LRRC9: variants seen among roughly 807,000 people sequenced by gnomAD.
The protein encoded by LRRC9 is leucine-rich repeat-containing protein 9.
Under a neutral mutation model 63.2 loss-of-function variants are expected in LRRC9, and 122 were observed. The observed-to-expected ratio is 1.93, with a 90% CI of 1.67 to 2.24. The LOEUF (loss-of-function observed/expected upper bound fraction) is 2.24. Ranked by LOEUF, LRRC9 falls within the 30% of genes most tolerant of loss-of-function variation. The pLI, the probability that LRRC9 is intolerant of heterozygous loss-of-function variation, is 0.00. For synonymous variants in LRRC9, 366 were observed against 213.1 expected (o/e 1.72, Z -6.25); for missense variants, 1,071 against 627.7 (o/e 1.71, Z -7.55).
chr14:59,997,516 C>A, intron 17 of LRRC9, 140 bp from the exon 18 acceptor site: 1 of 495,130 alleles, frequency 2.0e-6, no homozygotes, highest in Admixed American at 3.7e-5. Flanking sequence ...TTGATACCAT[C>A]ATTGCAACAT....
chr14:59,980,427 C>G (rs1424747338), intron 15 of LRRC9, among the ~76,000 whole-genome samples: 1 of 152,114 alleles, frequency 6.6e-6, no homozygotes, highest in African/African-American at 2.4e-5. Context: ...GGGCAAATCC[C>G]CTTCCTCTGT....
intron 7 of LRRC9, among the ~76,000 whole-genome samples, chr14:59,944,179 G>C (rs1333636904): frequency 6.6e-6 from 1 of 151,704 alleles, no homozygotes; most frequent in Non-Finnish European, 1.5e-5. Flanking sequence ...AACGAATTGA[G>C]TAATGTTGTA....
intron 23 of LRRC9, among the ~76,000 whole-genome samples, chr14:60,013,595 T>C (rs1049449918): frequency 6.6e-6 from 1 of 152,168 alleles, no homozygotes; most frequent in East Asian, 1.9e-4. Context: ...AGCTCTGTTG[T>C]TGGTGCATAC....
intron 12 of LRRC9, 140 bp downstream of exon 12, chr14:59,967,353 C>T: frequency 2.2e-6 from 1 of 455,858 alleles, no homozygotes; most frequent in Non-Finnish European, 3.9e-6. Context: ...TTAGTGTTAT[C>T]ATGGAAAGTA....
intron 19 of LRRC9, among the ~76,000 whole-genome samples, chr14:60,000,726 G>T (rs562839363): frequency 6.6e-6 from 1 of 152,052 alleles, no homozygotes; most frequent in East Asian, 1.9e-4. Context: ...AATTTAGTAG[G>T]CAAGAAACAA....
At chr14:60,047,144 TAAG>T (rs750982394) in intron 29 of LRRC9, among the ~76,000 whole-genome samples, 1 of 152,174 alleles carries the variant, frequency 6.6e-6, no homozygotes, top group Non-Finnish European at 1.5e-5. Flanking sequence ...CTTATCAACT[TAAG>T]AAGCTTTTGG....
chr14:59,936,995 C>A lies in LRRC9; in HGVS notation c.544-1395C>A, dbSNP rs1594819235. Among the ~76,000 whole-genome samples the A allele has an allele frequency of 1.3e-5, 2 of 152,234 alleles. No individual in the cohort carries two copies. Among genetic ancestry groups the A allele is most frequent in the East Asian group, 3.9e-4 (2 of 5,176 alleles). ...TCAAGTTTGACCCCACCACAGTACC[C>A]TCCTACCTCAGGCACCATCCTGGTA... On this transcript the variant is annotated intron_variant, in intron 6 of 31. Transcript: ENST00000445360. This position sits in a 1 kb window ranked among gnomAD's most constrained non-coding sequence, Gnocchi z 4.2.
At chr14:60,046,772 G>GT (rs1893465044) in intron 29 of LRRC9, among the ~76,000 whole-genome samples, 1 of 151,622 alleles carries the variant, frequency 6.6e-6, no homozygotes, top group East Asian at 1.9e-4. Flanking sequence ...TTTAAAAATA[G>GT]TTTCCATTCT....
intron 29 of LRRC9, among the ~76,000 whole-genome samples, chr14:60,047,913 C>G (rs1458097248): frequency 6.6e-6 from 1 of 152,064 alleles, no homozygotes; most frequent in Admixed American, 6.6e-5. Flanking sequence ...CCTCAGCAAA[C>G]GCAAAAGGAC....
At chr14:60,043,671 T>G (rs1893146490) in intron 29 of LRRC9, among the ~76,000 whole-genome samples, 1 of 152,034 alleles carries the variant, frequency 6.6e-6, no homozygotes, top group African/African-American at 2.4e-5. Context: ...CTTTTTAATG[T>G]GTTGTTACAT....
intron 28 of LRRC9, among the ~76,000 whole-genome samples, chr14:60,028,727 C>G (rs1442954635): frequency 6.6e-6 from 1 of 152,152 alleles, no homozygotes; most frequent in Non-Finnish European, 1.5e-5. Flanking sequence ...TCTGTTAGCT[C>G]TCCTTTTACC....
chr14:60,004,877 T>C lies in LRRC9; in HGVS notation c.2842+1079T>C, dbSNP rs1392913107. 1.7e-5 allele frequency among the ~76,000 whole-genome samples: 1 copy of C among 58,472 alleles called. No individual in the cohort carries two copies. The highest frequency in any genetic ancestry group is 4.3e-5 in the Non-Finnish European group (1 of 23,358). 38.4% of individuals were successfully genotyped at this position (58,472 alleles called of 152,430 possible). A position where few individuals can be genotyped will look rare whatever the true frequency, so the allele number is the denominator to read the frequency against. On this transcript the variant is annotated intron_variant, in intron 21 of 31. Transcript: ENST00000445360. This position sits in a 1 kb window ranked among gnomAD's most constrained non-coding sequence, Gnocchi z 4.8. ...TTGAAAAGAGAAATATGTATATGTGTGTATACACACACACACACACACACA... is the reference window on the plus strand; with the variant it reads ...TTGAAAAGAGAAATATGTATATGTGCGTATACACACACACACACACACACA...
At chr14:60,048,169 T>C (rs1379118772) in intron 29 of LRRC9, among the ~76,000 whole-genome samples, 1 of 152,136 alleles carries the variant, frequency 6.6e-6, no homozygotes, top group Non-Finnish European at 1.5e-5. Context: ...TTTATAGCAC[T>C]AAATGCCCAC....
chr14:59,987,212 G>T (rs1471342007), intron 17 of LRRC9, among the ~76,000 whole-genome samples: 3 of 151,576 alleles, frequency 2.0e-5, no homozygotes, highest in Non-Finnish European at 4.4e-5. Context: ...TGCAGTAATC[G>T]TCTTCCTGGA....
Position 60,019,269 on chromosome 14 carries a change from C to A in LRRC9, c.3566+9C>A. ...ATTTCAAAAACAAACAGGTAGTATTCTTTATTTTTATGATTATAACTAATT... is the reference window on the plus strand; with the variant it reads ...ATTTCAAAAACAAACAGGTAGTATTATTTATTTTTATGATTATAACTAATT... On this transcript the variant is annotated intron_variant, in intron 26 of 31. Transcript: ENST00000445360. 2.9e-6 allele frequency: 2 copies of A among 678,914 alleles called. No homozygotes were observed. The highest frequency in any genetic ancestry group is 1.6e-5 in the South Asian group (1 of 62,960). The allele number at this position is 678,914 out of a possible 1,614,324, so 42.1% of individuals were successfully genotyped here. A position where few individuals can be genotyped will look rare whatever the true frequency, so the allele number is the denominator to read the frequency against.
exon 9 of LRRC9, chr14:59,959,830 C>A (rs780582541): frequency 4.8e-6 from 3 of 624,696 alleles, no homozygotes; most frequent in Non-Finnish European, 8.6e-6. Flanking sequence ...GGAACGAGAA[C>A]TGGCTGAACT....
chr14:59,927,926 C>A lies in LRRC9; in HGVS notation c.-18C>A, dbSNP rs1458111172. On this transcript the variant is annotated 5_prime_UTR_variant, in exon 2 of 32. Coordinates refer to ENST00000445360, the Ensembl canonical transcript of LRRC9. This position sits in a 1 kb window ranked among gnomAD's most constrained non-coding sequence, Gnocchi z 4.4. The stretch of plus-strand genomic sequence containing the variant: ...TCCTTAAAAGTTATAATATTATGAT[C>A]ACTGTTTTTAATGGAAGATGATTGA... 1.5e-6 allele frequency: 1 copy of A among 666,984 alleles called. No individual in the cohort carries two copies. Among genetic ancestry groups the A allele is most frequent in the East Asian group, 2.8e-5 (1 of 36,108 alleles). The allele number at this position is 666,984 out of a possible 1,614,324, so 41.3% of individuals were successfully genotyped here.
chr14:59,999,181 A>C (rs1454486995), exon 19 of LRRC9: 11 of 701,592 alleles, frequency 1.6e-5, no homozygotes, highest in Non-Finnish European at 2.9e-5. Context: ...CTGAAGAAGA[A>C]GCAACAGCAG....
intron 17 of LRRC9, among the ~76,000 whole-genome samples, chr14:59,994,743 C>G (rs1888555632): frequency 1.3e-5 from 2 of 151,928 alleles, no homozygotes; most frequent in South Asian, 4.1e-4. Flanking sequence ...CCATCATTCT[C>G]AGCAAACTAT....
Sources: allele counts gnomAD v4.1 joint callset (sites outside exome capture counted in the v4.1 genomes callset), GRCh38; gene constraint gnomAD v4.1.1; non-coding constraint Gnocchi (gnomAD v3.1); transcripts MANE v1.5; gene names NCBI Gene and HGNC (gene_info 2026-07-23, HGNC 2026-07-21).